The following TTC39A variants were observed in gnomAD, a reference collection of about 807,000 sequenced individuals.
TTC39A encodes tetratricopeptide repeat protein 39A.
Under a neutral mutation model 82.3 loss-of-function variants are expected in TTC39A, and 46 were observed. The ratio of observed to expected loss-of-function variants is 0.56; its 90% CI spans 0.44 to 0.71. TTC39A has a LOEUF of 0.71. Among genes scored for constraint, TTC39A ranks in the 30% least tolerant of loss-of-function variants. The pLI is 0.00. For synonymous variants in TTC39A, 254 were observed against 275.2 expected, an observed-to-expected ratio of 0.92 and a Z score of 0.76; for missense variants, 543 against 712.9, an observed-to-expected ratio of 0.76 and a Z score of 2.71.
Position 51,302,378 on chromosome 1 carries a change from G to A in TTC39A, c.870C>T (p.Val290=). Reference sequence around the variant, plus strand: ...TCACTGCATCAATGTTGCCTTTAATGACTTCAATCCTCCCTGCAAAGAACA... The same window carrying A: ...TCACTGCATCAATGTTGCCTTTAATAACTTCAATCCTCCCTGCAAAGAACA... The part of the protein sequence containing the change: ...IFLFFAGRIE[V]IKGNIDAAIR... Residue 290 remains valine, a synonymous_variant, in exon 11 of 18, where the codon GTC becomes GTT. Transcript: ENST00000680483. 6.2e-7 allele frequency: 1 copy of A among 1,608,258 alleles called. No homozygotes were observed. The highest frequency in any genetic ancestry group is 8.5e-7 in the Non-Finnish European group (1 of 1,177,422).
At chr1:51,317,844 C>A (rs936407215) in intron 2 of TTC39A, among the ~76,000 whole-genome samples, 1 of 152,180 alleles carries the variant, frequency 6.6e-6, no homozygotes, top group Non-Finnish European at 1.5e-5. Flanking sequence ...CTACTTCCCA[C>A]GTGAGATAAC....
upstream of TTC39A, chr1:51,334,962 CCAT>C (rs1232442251): frequency 6.6e-6 from 1 of 152,350 alleles, no homozygotes; most frequent in Non-Finnish European, 1.5e-5. Flanking sequence ...CTGTGAGTCA[CCAT>C]CATCATTTCT....
At chr1:51,293,976 C>T (rs1214126159) in intron 14 of TTC39A, among the ~76,000 whole-genome samples, 1 of 152,214 alleles carries the variant, frequency 6.6e-6, no homozygotes, top group African/African-American at 2.4e-5. Flanking sequence ...TGCTCGATAA[C>T]GATGTTGGCT....
chr1:51,312,742 C>T, intron 3 of TTC39A, 70 bp downstream of exon 3: 2 of 1,574,846 alleles, frequency 1.3e-6, no homozygotes, highest in South Asian at 2.4e-5. Context: ...CATGTTAGGC[C>T]CTGGAATGGG....
upstream of TTC39A, chr1:51,331,096 T>G (rs1645900314): frequency 2.5e-6 from 3 of 1,183,882 alleles, no homozygotes; most frequent in South Asian, 2.6e-5. Context: ...ATAATTGCTA[T>G]TTTACAGATG....
intron 2 of TTC39A, among the ~76,000 whole-genome samples, chr1:51,318,268 T>A (rs1414291556): frequency 2.6e-5 from 4 of 151,422 alleles, no homozygotes; most frequent in Non-Finnish European, 5.9e-5. Flanking sequence ...CAGGCTCGAG[T>A]GAGTGACAGG....
chr1:51,308,971 C>T (rs552141329), intron 6 of TTC39A, among the ~76,000 whole-genome samples: 23 of 152,292 alleles, frequency 1.5e-4, no homozygotes, highest in African/African-American at 5.3e-4. Flanking sequence ...GTCTCCCTGC[C>T]CCCACCAGAA....
chr1:51,335,382 C>G (rs1313227783), upstream of TTC39A: 1 of 143,184 alleles, frequency 7.0e-6, no homozygotes, highest in East Asian at 2.0e-4. Flanking sequence ...AACCCCACCT[C>G]TACTAAAAAT....
upstream of TTC39A, among the ~76,000 whole-genome samples, chr1:51,333,980 C>T (rs1409605562): frequency 6.6e-6 from 1 of 152,086 alleles, no homozygotes; most frequent in Non-Finnish European, 1.5e-5. Context: ...TTAATTTTCA[C>T]TTTACCACCT....
At chr1:51,308,406 A>C (rs1277435102) in intron 6 of TTC39A, among the ~76,000 whole-genome samples, 2 of 152,010 alleles carry the variant, frequency 1.3e-5, no homozygotes, top group East Asian at 3.9e-4. Context: ...CGCCCTGCTA[A>C]TTTTTGTATT....
At chr1:51,296,035 C>T (rs377540105) in intron 13 of TTC39A, 44 bp downstream of exon 13, 46 of 1,547,400 alleles carry the variant, frequency 3.0e-5, no homozygotes, top group South Asian at 7.1e-5. Flanking sequence ...GCGGCCTACA[C>T]GGTGGGAGTG....
intron 2 of TTC39A, among the ~76,000 whole-genome samples, chr1:51,316,411 CCTGA>C (rs760187374): frequency 3.3e-5 from 5 of 152,192 alleles, no homozygotes; most frequent in Non-Finnish European, 5.9e-5. Context: ...GTCCCCTCTT[CCTGA>C]CTGCTTAGCC....
intron 6 of TTC39A, among the ~76,000 whole-genome samples, chr1:51,306,853 A>ACACCCCCCCCC (rs1644885320): frequency 1.7e-5 from 1 of 60,184 alleles, no homozygotes; most frequent in African/African-American, 8.6e-5. Flanking sequence ...TAAGGGACAG[A>ACACCCCCCCCC]CCCCCCCCCC....
At chr1:51,329,091 A>G (rs1036066165) in intron 1 of TTC39A, among the ~76,000 whole-genome samples, 1 of 152,256 alleles carries the variant, frequency 6.6e-6, no homozygotes, top group African/African-American at 2.4e-5. Context: ...TGAGGCCTGC[A>G]GCAGGGCCAG....
intron 8 of TTC39A, among the ~76,000 whole-genome samples, chr1:51,304,182 G>T (rs1290075658): frequency 6.6e-6 from 1 of 152,240 alleles, no homozygotes; most frequent in Non-Finnish European, 1.5e-5. Context: ...CTTTCCAAAA[G>T]ATGGCTGGGC....
At chr1:51,297,038 G>A (rs760976862) in intron 12 of TTC39A, among the ~76,000 whole-genome samples, 6 of 152,254 alleles carry the variant, frequency 3.9e-5, no homozygotes, top group Non-Finnish European at 8.8e-5. Flanking sequence ...AGAAAGGGTG[G>A]AAAGGAAAAG....
chr1:51,303,156 C>G lies in TTC39A; in HGVS notation c.691G>C (p.Gly231Arg), dbSNP rs1644740366. ...CAGAGCACAGAGCGGAAGCTGTGCC[C>G]TGACGCTCCCTCCTCCAGCTGCAGC... ...GLLQLEEGASGHSFRSVLCVM... is the reference protein window; with the variant it reads ...GLLQLEEGASRHSFRSVLCVM... Residue 231 changes from glycine to arginine, a missense_variant, in exon 9 of 18, where the codon GGG becomes CGG. Gly to Arg is a moderately radical substitution (Grantham distance 125). Transcript: ENST00000680483. 1 of 1,546,508 alleles carries G rather than the reference C, an allele frequency of 6.5e-7. No homozygotes were observed. The highest frequency in any genetic ancestry group is 8.7e-7 in the Non-Finnish European group (1 of 1,143,498).
upstream of TTC39A, chr1:51,335,030 G>A (rs542900299): frequency 3.9e-5 from 6 of 152,392 alleles, no homozygotes; most frequent in African/African-American, 1.4e-4. Flanking sequence ...CCACCTTGAG[G>A]TGACAGCTGG....
rs553891250 is a variant in TTC39A, at chr1:51,296,108, C to A, written c.1116G>T (p.Pro372=). 2 of 1,598,244 alleles carry A rather than the reference C, an allele frequency of 1.3e-6. No individual in the cohort carries two copies. Among genetic ancestry groups the A allele is most frequent in the Non-Finnish European group, 8.5e-7 (1 of 1,172,354 alleles). ...ATAATTCCACTTCGTCGTCCCCGAA[C>A]GGCTTGTGGTCCTCCTTCCCAAACA... The part of the protein sequence containing the change: ...LSMFGKEDHK[P]FGDDEVELFR... The change falls in exon 13 of 18, where the codon CCG becomes CCT. Residue 372 remains proline, a synonymous_variant. Transcript: ENST00000680483.
Sources: allele counts gnomAD v4.1 joint callset (sites outside exome capture counted in the v4.1 genomes callset), GRCh38; gene constraint gnomAD v4.1.1; transcripts MANE v1.5; gene names NCBI Gene and HGNC (gene_info 2026-07-23, HGNC 2026-07-21).